THAP1: variants seen among roughly 807,000 people sequenced by gnomAD.
The protein encoded by THAP1 is THAP domain-containing protein 1.
Under a neutral mutation model 18.2 loss-of-function variants are expected in THAP1, and 6 were observed. That is an observed-to-expected ratio of 0.33 (90% CI 0.18 to 0.65). The LOEUF (loss-of-function observed/expected upper bound fraction) is 0.65, where lower values mean the gene tolerates loss of function less well. Among genes scored for constraint, THAP1 ranks in the 30% least tolerant of loss-of-function variants. The pLI is 0.74. For missense variants in THAP1, 176 were observed against 253.0 expected, an observed-to-expected ratio of 0.70 and a Z score of 2.06; for synonymous variants, 85 against 90.5, an observed-to-expected ratio of 0.94 and a Z score of 0.34.
intron 1 of THAP1, among the ~76,000 whole-genome samples, chr8:42,839,703 C>T (rs1022233217): frequency 5.9e-5 from 9 of 152,256 alleles, no homozygotes; most frequent in South Asian, 4.2e-4. Flanking sequence ...TGCGCCACCA[C>T]GCCCAGCTAA....
At position 42,837,816 on chromosome 8, in the gene THAP1, G is replaced by C. The variant is rs916060804; in HGVS notation, c.*146C>G. The C allele has an allele frequency of 3.7e-6, 3 of 803,908 alleles. No individual in the cohort carries two copies. The highest frequency in any genetic ancestry group is 1.8e-5 in the African/African-American group (1 of 56,384). 49.8% of individuals were successfully genotyped at this position (803,908 alleles called of 1,614,324 possible). On this transcript the variant is annotated 3_prime_UTR_variant, in exon 3 of 3. Coordinates refer to ENST00000254250, the MANE Select transcript of THAP1 (RefSeq NM_018105.3). ...AAACAAAAAAATTTATAATTTTACA[G>C]TATATATAGAATTTTTTTTAAAAAA...
In THAP1 at chr8:42,839,387, A is replaced by G; in HGVS notation, c.72-6T>C. On this transcript the variant is annotated splice_polypyrimidine_tract_variant and splice_region_variant and intron_variant, in intron 1 of 2. Coordinates refer to ENST00000254250, the MANE Select transcript of THAP1 (RefSeq NM_018105.3). ...TGGGTCGAGTAAGAGGAAACCTAAG[A>G]AGAAGGCATAATTCAATTATCTGTC... 1 of 1,613,884 alleles carries G rather than the reference A, an allele frequency of 6.2e-7. No individual in the cohort carries two copies.
At chr8:42,842,914 A>C (rs1586459220) in intron 1 of THAP1, 110 bp downstream of exon 1, 1 of 827,358 alleles carries the variant, frequency 1.2e-6, no homozygotes, top group Non-Finnish European at 1.6e-6. Flanking sequence ...CCGGCCCCAG[A>C]CCCCACCCGC....
At chr8:42,841,294 CTTTTTTTTTT>C (rs775435611) in intron 1 of THAP1, among the ~76,000 whole-genome samples, 133 of 95,966 alleles carry the variant, frequency 1.4e-3, no homozygotes, top group Non-Finnish European at 1.6e-3. Flanking sequence ...ACAGTTGTAT[CTTTTTTTTTT>C]TTTTTTTTTT....
rs1251186636 is a variant in THAP1 at position 42,839,238 on chromosome 8, A to G, written c.215T>C (p.Leu72Pro). 6.2e-7 allele frequency: 1 copy of G among 1,614,142 alleles called. No individual in the cohort carries two copies. Among genetic ancestry groups the G allele is most frequent in the Non-Finnish European group, 8.5e-7 (1 of 1,180,014 alleles). Residue 72 changes from leucine (L) to proline (P), a missense_variant, in exon 2 of 3, where the codon CTG becomes CCG. Physicochemically the swap from Leu to Pro is moderately conservative, Grantham distance 98. Transcript: ENST00000254250. ...TATTGTGGGCACAGCATTCTCTTTCAGTAACTTGTTGTTGCACTCTCTCTT... is the reference window on the plus strand; with the variant it reads ...TATTGTGGGCACAGCATTCTCTTTCGGTAACTTGTTGTTGCACTCTCTCTT... The part of the protein sequence containing the change: ...CFKRECNNKL[L>P]KENAVPTIFL...
chr8:42,837,069 G>T lies in THAP1; in HGVS notation c.*893C>A, dbSNP rs985879187. 3.3e-5 allele frequency: 5 copies of T among 152,200 alleles called. No homozygotes were observed. The highest frequency in any genetic ancestry group is 4.8e-5 in the African/African-American group (2 of 41,442). 9.4% of individuals were successfully genotyped at this position (152,200 alleles called of 1,614,324 possible). A position where few individuals can be genotyped will look rare whatever the true frequency, so the allele number is the denominator to read the frequency against. The stretch of plus-strand genomic sequence containing the variant: ...TCAGTCAAGTGCAAGATTATCATAT[G>T]ATACAAATCAAACTCTACTAACACA... On this transcript the variant is annotated 3_prime_UTR_variant, in exon 3 of 3. Transcript: ENST00000254250.
intron 1 of THAP1, among the ~76,000 whole-genome samples, chr8:42,840,983 A>G (rs1274586816): frequency 6.6e-6 from 1 of 151,462 alleles, no homozygotes; most frequent in Non-Finnish European, 1.5e-5. Flanking sequence ...AAAAAAAAAA[A>G]AAAAGAAAGA....
intron 1 of THAP1, among the ~76,000 whole-genome samples, chr8:42,841,328 G>C (rs1245635358): frequency 7.8e-6 from 1 of 127,632 alleles, no homozygotes; most frequent in Non-Finnish European, 1.6e-5. Flanking sequence ...TTGAGATGGA[G>C]TCTCACTCTG....
At position 42,838,250 on chromosome 8, in the gene THAP1, T is replaced by G. The variant is rs1017616432; in HGVS notation, c.354A>C (p.Leu118Phe). Reference sequence around the variant, plus strand: ...CAGGGGTCTGAAGAGGCGGCATTAGTAATCCAATAGCAGCATCAACCTGGG... The same window carrying G: ...CAGGGGTCTGAAGAGGCGGCATTAGGAATCCAATAGCAGCATCAACCTGGG... Reference protein sequence around the residue: ...PVSQVDAAIGLLMPPLQTPVN... With the variant: ...PVSQVDAAIGFLMPPLQTPVN... The change falls in exon 3 of 3, where the codon TTA becomes TTC. Residue 118 changes from leucine (L) to phenylalanine (F), a missense_variant. Leu to Phe is a conservative substitution (Grantham distance 22). Transcript: ENST00000254250. 2.5e-6 allele frequency: 4 copies of G among 1,614,006 alleles called. No homozygotes were observed. The highest frequency in any genetic ancestry group is 2.5e-6 in the Non-Finnish European group (3 of 1,180,008).
chr8:42,842,066 C>T (rs1466227711), intron 1 of THAP1, among the ~76,000 whole-genome samples: 2 of 152,154 alleles, frequency 1.3e-5, no homozygotes, highest in Non-Finnish European at 1.5e-5. Context: ...TAGCTAATTA[C>T]CTATGGCTAA....
At position 42,843,012 on chromosome 8, in the gene THAP1, C is replaced by T. The variant is rs764467954; in HGVS notation, c.71+12G>A. On this transcript the variant is annotated intron_variant, in intron 1 of 2. Coordinates refer to ENST00000254250, the MANE Select transcript of THAP1 (RefSeq NM_018105.3). ...GCTGAGACCGGCCCCGCGAGGCGCG[C>T]AGGGTCCTCACTTGTGGAAAGAAAC... 2.5e-6 allele frequency: 4 copies of T among 1,609,574 alleles called. No individual in the cohort carries two copies. The highest frequency in any genetic ancestry group is 1.1e-5 in the South Asian group (1 of 90,832).
rs149254140 is a variant in THAP1 at position 42,839,078 on chromosome 8, C to T, written c.267+108G>A. ...GTGTATCACTGTTAACTACAAGGTT[C>T]CAGGCACATTTATTCTCTTAACACT... On this transcript the variant is annotated intron_variant, in intron 2 of 2. Transcript: ENST00000254250. 2.5e-3 allele frequency: 2,993 copies of T among 1,199,592 alleles called. 3 individuals are homozygous for T. Among genetic ancestry groups the T allele is most frequent in the Non-Finnish European group, 3.1e-3 (2,536 of 819,696 alleles). The allele number at this position is 1,199,592 out of a possible 1,614,324, so 74.3% of individuals were successfully genotyped here.
chr8:42,839,760 T>G (rs532057258), intron 1 of THAP1, among the ~76,000 whole-genome samples: 171 of 152,338 alleles, frequency 1.1e-3, no homozygotes, highest in Middle Eastern at 3.4e-3. Flanking sequence ...TTGGCCAGGA[T>G]GGATTCGATT....
rs1201745906 is a variant in THAP1, at chr8:42,838,050, T to C, written c.554A>G (p.His185Arg). 6.2e-7 allele frequency: 1 copy of C among 1,614,022 alleles called. No individual in the cohort carries two copies. Among genetic ancestry groups the C allele is most frequent in the South Asian group, 1.1e-5 (1 of 91,062 alleles). Residue 185 changes from histidine (H) to arginine (R), a missense_variant, in exon 3 of 3, where the codon CAC becomes CGC. By Grantham distance (29) the His-to-Arg change is conservative. Transcript: ENST00000254250. The stretch of plus-strand genomic sequence containing the variant: ...TACGTCGTCTTTCTCTTTCTGGAAG[T>C]GAACAACCTCCTTTAATTTTTCAAG... ...RQLEKLKEVVHFQKEKDDVSE... is the reference protein window; with the variant it reads ...RQLEKLKEVVRFQKEKDDVSE...
At chr8:42,840,421 G>A (rs188935767) in intron 1 of THAP1, among the ~76,000 whole-genome samples, 171 of 152,272 alleles carry the variant, frequency 1.1e-3, no homozygotes, top group African/African-American at 3.9e-3. Context: ...CCAGGTAAAC[G>A]GGGATAGTGA....
At chr8:42,842,944 C>T in intron 1 of THAP1, 80 bp downstream of exon 1, 1 of 1,218,484 alleles carries the variant, frequency 8.2e-7, no homozygotes, top group Non-Finnish European at 1.0e-6. Context: ...GGACACGCGC[C>T]TGGCTCCGCC....
chr8:42,837,912 G>C lies in THAP1; in HGVS notation c.*50C>G. Reference sequence around the variant, plus strand: ...AAATGAAACTCCTTTACAGGCTAGAGGAGGATATGTGGTATTGCCCCATTA... The same window carrying C: ...AAATGAAACTCCTTTACAGGCTAGACGAGGATATGTGGTATTGCCCCATTA... On this transcript the variant is annotated 3_prime_UTR_variant, in exon 3 of 3. Transcript: ENST00000254250. 1 of 1,596,020 alleles carries C rather than the reference G, an allele frequency of 6.3e-7. No individual in the cohort carries two copies. Among genetic ancestry groups the C allele is most frequent in the African/African-American group, 1.3e-5 (1 of 74,738 alleles).
intron 2 of THAP1, among the ~76,000 whole-genome samples, chr8:42,838,869 A>G (rs2128918568): frequency 6.6e-6 from 1 of 152,302 alleles, no homozygotes; most frequent in East Asian, 1.9e-4. Context: ...AGATCTAATT[A>G]AATATTAAGC....
intron 1 of THAP1, among the ~76,000 whole-genome samples, chr8:42,841,161 T>C (rs1409937190): frequency 1.3e-5 from 2 of 152,060 alleles, no homozygotes; most frequent in African/African-American, 4.8e-5. Flanking sequence ...TTACAGCTGT[T>C]TGTGAGATTC....
Sources: allele counts gnomAD v4.1 joint callset (sites outside exome capture counted in the v4.1 genomes callset), GRCh38; gene constraint gnomAD v4.1.1; transcripts MANE v1.5; gene names NCBI Gene and HGNC (gene_info 2026-07-23, HGNC 2026-07-21).